Variants in CELF2 observed in about 807,000 individuals in gnomAD.
CELF2 encodes the protein CUG triplet repeat RNA-binding protein 2.
CELF2 carries 8 observed loss-of-function variants against 62.6 expected under a neutral mutation model. The observed-to-expected ratio is 0.13, with a 90% CI of 0.07 to 0.23. The LOEUF (loss-of-function observed/expected upper bound fraction) is 0.23, where lower values mean the gene tolerates loss of function less well. CELF2 is among the 10% of genes least tolerant of loss of function. CELF2 has a pLI of 1.00. For missense variants in CELF2, 333 were observed against 671.0 expected, an observed-to-expected ratio of 0.50 and a Z score of 5.56; for synonymous variants, 258 against 250.0, an observed-to-expected ratio of 1.03 and a Z score of -0.30.
At chr10:10,607,240 A>G in the CELF2 span, among the ~76,000 whole-genome samples, 1 of 152,136 alleles carries the variant, frequency 6.6e-6, no homozygotes, top group East Asian at 1.9e-4. Flanking sequence ...GGTGCACCTC[A>G]TCATGTGGTT....
intron 1 of CELF2, among the ~76,000 whole-genome samples, chr10:11,027,475 G>GTT (rs111824577): frequency 2.0e-5 from 3 of 151,826 alleles, no homozygotes; most frequent in African/African-American, 4.8e-5. Context: ...GAGGCAAGTC[G>GTT]TTTTTTTTAT....
At chr10:10,844,081 C>A (rs563672202) in intron 1 of CELF2, among the ~76,000 whole-genome samples, 14 of 152,010 alleles carry the variant, frequency 9.2e-5, no homozygotes, top group Non-Finnish European at 1.5e-4. Context: ...TTTTACTTGA[C>A]TTTTCTACTT....
chr10:10,811,544 A>C (rs2055893279), intron 1 of CELF2, among the ~76,000 whole-genome samples: 1 of 152,128 alleles, frequency 6.6e-6, no homozygotes, highest in Non-Finnish European at 1.5e-5. Flanking sequence ...CAGGTTCTTC[A>C]GAAAGACCCT....
At chr10:10,714,175 A>G in the CELF2 span, among the ~76,000 whole-genome samples, 2 of 152,208 alleles carry the variant, frequency 1.3e-5, no homozygotes, top group South Asian at 2.1e-4. Context: ...TCTTTTGGCC[A>G]CTAGAAAATG....
chr10:11,003,138 G>T (rs186341079), upstream of CELF2, among the ~76,000 whole-genome samples: 1 of 152,264 alleles, frequency 6.6e-6, no homozygotes. This position sits in a 1 kb window ranked among gnomAD's most constrained non-coding sequence, Gnocchi z 4.4. Context: ...TCTTAGTGGC[G>T]TTTAGACAGG....
the CELF2 span, among the ~76,000 whole-genome samples, chr10:10,753,299 C>CTGTGTGTG: frequency 0.086 from 12,809 of 149,810 alleles, 708 homozygotes; most frequent in East Asian, 0.22. Context: ...TTCCAAAGCT[C>CTGTGTGTG]TGTGTGTGTG....
chr10:10,881,564 A>G (rs2061438802), intron 1 of CELF2, among the ~76,000 whole-genome samples: 2 of 152,226 alleles, frequency 1.3e-5, no homozygotes, highest in Admixed American at 1.3e-4. Context: ...TTTCATATGT[A>G]ACTCAGATTT....
At chr10:10,992,751 A>G (rs2053565812) in intron 2 of CELF2, among the ~76,000 whole-genome samples, 1 of 152,228 alleles carries the variant, frequency 6.6e-6, no homozygotes, top group East Asian at 1.9e-4. Context: ...TGGATAATAG[A>G]TAATTCAATG....
At chr10:11,310,620 G>A (rs904701751) in intron 9 of CELF2, among the ~76,000 whole-genome samples, 1 of 151,832 alleles carries the variant, frequency 6.6e-6, no homozygotes, top group Non-Finnish European at 1.5e-5. Context: ...AAAATGTTCA[G>A]GCCTTTTTTG....
chr10:11,210,613 A>G (rs1039311476), intron 2 of CELF2, among the ~76,000 whole-genome samples: 3 of 152,218 alleles, frequency 2.0e-5, no homozygotes, highest in African/African-American at 7.2e-5. Context: ...CTTTCCAGAA[A>G]GGTCCCTCCT....
the CELF2 span, among the ~76,000 whole-genome samples, chr10:10,669,469 C>A: frequency 1.3e-5 from 2 of 152,190 alleles, no homozygotes; most frequent in Non-Finnish European, 2.9e-5. Context: ...TTGGTTCCCA[C>A]CTGACTGCAT....
intron 1 of CELF2, among the ~76,000 whole-genome samples, chr10:11,133,188 C>T (rs1444156403): frequency 2.6e-5 from 4 of 152,088 alleles, no homozygotes; most frequent in Admixed American, 1.3e-4. Flanking sequence ...TAACTTCTCC[C>T]GAAGAGATCT....
At position 11,064,667 on chromosome 10, in the gene CELF2, C is replaced by A. The variant is rs191285287; in HGVS notation, c.74+46504C>A. Among the ~76,000 whole-genome samples, 138 of 152,236 alleles carry A rather than the reference C, an allele frequency of 9.1e-4. 3 individuals carry two copies. Among genetic ancestry groups the A allele is most frequent in the African/African-American group, 3.3e-3 (135 of 41,524 alleles). On this transcript the variant is annotated intron_variant, in intron 1 of 12. Coordinates refer to ENST00000633077, the MANE Select transcript of CELF2 (RefSeq NM_001326342.2). ...TCCCCTTTTGCTTCCTCATACCAATCTCTTCCCCACCCCCCAAATATGATT... is the reference window on the plus strand; with the variant it reads ...TCCCCTTTTGCTTCCTCATACCAATATCTTCCCCACCCCCCAAATATGATT...
In CELF2 at chr10:11,334,299, A is replaced by AT. The variant is rs2096080348; in HGVS notation, c.*5247dup. 6.6e-6 allele frequency: 1 copy of AT among 152,624 alleles called. No individual in the cohort carries two copies. Among genetic ancestry groups the AT allele is most frequent in the South Asian group, 2.1e-4 (1 of 4,832 alleles). The allele number at this position is 152,624 out of a possible 1,614,324, so 9.5% of individuals were successfully genotyped here. On this transcript the variant is annotated 3_prime_UTR_variant, in exon 13 of 13. Coordinates refer to ENST00000633077, the MANE Select transcript of CELF2 (RefSeq NM_001326342.2). Reference sequence around the variant, plus strand: ...ACAGTCAAACTTATTTTTGTAATGTATGTTATTGTGTGATGCAGTTTTTTG... The same window carrying AT: ...ACAGTCAAACTTATTTTTGTAATGTATTGTTATTGTGTGATGCAGTTTTTTG...
chr10:10,983,724 C>T lies in CELF2; in HGVS notation c.89+63725C>T, dbSNP rs1040588740. On this transcript the variant is annotated intron_variant, in intron 2 of 13. Coordinates refer to the CELF2 transcript ENST00000636488. The surrounding 1 kb of genome is among the most constrained non-coding windows in gnomAD (Gnocchi z 5.2). Reference sequence around the variant, plus strand: ...CTGAGATTATAGGCACTTGCCACCACGCCTGGCTAATTTTTGTATTTTTAG... The same window carrying T: ...CTGAGATTATAGGCACTTGCCACCATGCCTGGCTAATTTTTGTATTTTTAG... Among the ~76,000 whole-genome samples the T allele has an allele frequency of 3.3e-5, 5 of 152,154 alleles. No individual in the cohort carries two copies. The highest frequency in any genetic ancestry group is 4.8e-5 in the African/African-American group (2 of 41,430).
chr10:11,217,578 G>T lies in CELF2; in HGVS notation c.354+71G>T. On this transcript the variant is annotated intron_variant, in intron 3 of 12. Coordinates refer to ENST00000633077, the MANE Select transcript of CELF2 (RefSeq NM_001326342.2). This position sits in a 1 kb window ranked among gnomAD's most constrained non-coding sequence, Gnocchi z 5.6. The stretch of plus-strand genomic sequence containing the variant: ...ATGGTCCTTTCAACTGAAGGTTCTA[G>T]TTATGGGCTCTTAGTGCCAAAAATG... 2.5e-6 allele frequency: 3 copies of T among 1,181,418 alleles called. No individual in the cohort carries two copies. The highest frequency in any genetic ancestry group is 3.7e-6 in the Non-Finnish European group (3 of 804,054). The allele number at this position is 1,181,418 out of a possible 1,614,324, so 73.2% of individuals were successfully genotyped here.
chr10:11,305,894 C>T lies in CELF2; in HGVS notation c.977-8245C>T, dbSNP rs2094165748. On this transcript the variant is annotated intron_variant, in intron 9 of 12. Transcript: ENST00000633077. This position sits in a 1 kb window ranked among gnomAD's most constrained non-coding sequence, Gnocchi z 4.8. ...CTCACCATCAGGGTCTCTGGACCACCTCGCTTTTCCTGTTCTCCACACCCC... is the reference window on the plus strand; with the variant it reads ...CTCACCATCAGGGTCTCTGGACCACTTCGCTTTTCCTGTTCTCCACACCCC... 6.6e-6 allele frequency among the ~76,000 whole-genome samples: 1 copy of T among 152,192 alleles called. No individual in the cohort carries two copies. Among genetic ancestry groups the T allele is most frequent in the East Asian group, 1.9e-4 (1 of 5,194 alleles).
At chr10:11,148,710 A>G (rs1294564429) in intron 1 of CELF2, among the ~76,000 whole-genome samples, 1 of 152,160 alleles carries the variant, frequency 6.6e-6, no homozygotes, top group Non-Finnish European at 1.5e-5. Flanking sequence ...GTGGTTCCAT[A>G]ATTTATTTCA....
At chr10:10,537,335 G>A in the CELF2 span, among the ~76,000 whole-genome samples, 3 of 152,216 alleles carry the variant, frequency 2.0e-5, no homozygotes, top group Non-Finnish European at 4.4e-5. Flanking sequence ...TTAGAAAACT[G>A]GGGACAACAT....
Sources: allele counts gnomAD v4.1 joint callset (sites outside exome capture counted in the v4.1 genomes callset), GRCh38; gene constraint gnomAD v4.1.1; non-coding constraint Gnocchi (gnomAD v3.1); transcripts MANE v1.5; gene names NCBI Gene and HGNC (gene_info 2026-07-23, HGNC 2026-07-21).